Variants in CA10 observed in about 807,000 individuals in gnomAD.
CA10 encodes carbonic anhydrase-related protein 10.
Under a neutral mutation model 44.2 loss-of-function variants are expected in CA10, and 14 were observed. The observed-to-expected ratio is 0.32, with a 90% CI of 0.21 to 0.50. The LOEUF (loss-of-function observed/expected upper bound fraction) is 0.50. CA10 is among the 20% of genes least tolerant of loss of function. The pLI, the probability that CA10 is intolerant of heterozygous loss-of-function variation, is 0.99. For synonymous variants in CA10, 159 were observed against 141.6 expected, an observed-to-expected ratio of 1.12 and a Z score of -0.87; for missense variants, 350 against 409.7, an observed-to-expected ratio of 0.85 and a Z score of 1.26.
intron 3 of CA10, among the ~76,000 whole-genome samples, chr17:51,920,954 T>C (rs1271404539): frequency 6.6e-6 from 1 of 152,208 alleles, no homozygotes. Flanking sequence ...AATCCTTCAT[T>C]CCAGCTACTC....
intron 2 of CA10, among the ~76,000 whole-genome samples, chr17:51,959,860 C>T (rs1200798473): frequency 2.7e-5 from 4 of 145,600 alleles, no homozygotes. Context: ...TTTAACAGGA[C>T]CAGAGTCTAA....
chr17:51,869,287 A>G (rs1396755173), intron 3 of CA10, among the ~76,000 whole-genome samples: 1 of 152,184 alleles, frequency 6.6e-6, no homozygotes, highest in African/African-American at 2.4e-5. Context: ...ATGGACCAGG[A>G]AAAGACCCCA....
chr17:52,118,558 C>T (rs1248194200), intron 1 of CA10, among the ~76,000 whole-genome samples: 1 of 152,048 alleles, frequency 6.6e-6, no homozygotes, highest in Admixed American at 6.6e-5. Flanking sequence ...GCCCCTGGAG[C>T]ACCCAAAAGA....
At chr17:52,150,648 G>C in intron 1 of CA10, among the ~76,000 whole-genome samples, 1 of 152,140 alleles carries the variant, frequency 6.6e-6, no homozygotes, top group Non-Finnish European at 1.5e-5. Context: ...TTGGAAATAA[G>C]AGTTGAACAG....
At chr17:52,083,738 T>G (rs933852365) in intron 1 of CA10, among the ~76,000 whole-genome samples, 1 of 152,242 alleles carries the variant, frequency 6.6e-6, no homozygotes, top group African/African-American at 2.4e-5. Context: ...GCAAAAGATG[T>G]GATTTCATTC....
At chr17:51,734,030 A>G (rs1916810408) in intron 4 of CA10, among the ~76,000 whole-genome samples, 1 of 121,906 alleles carries the variant, frequency 8.2e-6, no homozygotes, top group Non-Finnish European at 1.8e-5. Context: ...CAGGAGCAGG[A>G]GGTTCAATAT....
intron 2 of CA10, among the ~76,000 whole-genome samples, chr17:52,010,488 G>C (rs1184309163): frequency 6.6e-6 from 1 of 151,932 alleles, no homozygotes; most frequent in Non-Finnish European, 1.5e-5. Context: ...CTGGATGGAA[G>C]TGGAGATTAT....
intron 2 of CA10, among the ~76,000 whole-genome samples, chr17:51,986,991 A>C (rs1241179943): frequency 1.3e-5 from 2 of 152,090 alleles, no homozygotes; most frequent in Non-Finnish European, 2.9e-5. Flanking sequence ...TTGCTCTAGC[A>C]ATTTCACTAC....
At chr17:52,152,793 C>T (rs992188186) in intron 1 of CA10, among the ~76,000 whole-genome samples, 4 of 152,026 alleles carry the variant, frequency 2.6e-5, no homozygotes, top group African/African-American at 9.7e-5. Context: ...AATATTTATT[C>T]AAGAATCACT....
intron 3 of CA10, among the ~76,000 whole-genome samples, chr17:51,770,615 T>C (rs1905567668): frequency 6.6e-6 from 1 of 152,126 alleles, no homozygotes; most frequent in South Asian, 2.1e-4. Flanking sequence ...TATACACAAA[T>C]ACCTGAGGCT....
chr17:51,955,736 G>C (rs980422492), intron 2 of CA10, among the ~76,000 whole-genome samples: 5 of 151,916 alleles, frequency 3.3e-5, no homozygotes, highest in African/African-American at 1.2e-4. Flanking sequence ...TAACAGATCT[G>C]ATAACTTTTT....
At chr17:51,639,076 G>A (rs1387807447) in intron 6 of CA10, among the ~76,000 whole-genome samples, 1 of 152,162 alleles carries the variant, frequency 6.6e-6, no homozygotes. Flanking sequence ...CGGAGGCAAT[G>A]CGGAACCACC....
rs544966242 is a variant in CA10, at chr17:51,686,379, C to G, written c.466-32643G>C. ...CCTAGGACTTGGGCCTTGGCTTTCTCTTCTTCAGCCTCACTATCTCACCAA... is the reference window on the plus strand; with the variant it reads ...CCTAGGACTTGGGCCTTGGCTTTCTGTTCTTCAGCCTCACTATCTCACCAA... On this transcript the variant is annotated intron_variant, in intron 4 of 8. Coordinates refer to ENST00000451037, the MANE Select transcript of CA10 (RefSeq NM_020178.5). 3.3e-5 allele frequency among the ~76,000 whole-genome samples: 5 copies of G among 152,290 alleles called. No homozygotes were observed. In the South Asian group the frequency reaches 1.0e-3, roughly 32 times the overall value.
chr17:52,047,457 A>G (rs1986943658), intron 2 of CA10, among the ~76,000 whole-genome samples: 1 of 151,730 alleles, frequency 6.6e-6, no homozygotes, highest in Non-Finnish European at 1.5e-5. Context: ...ATCTCAACAG[A>G]ATAGATATTT....
chr17:52,010,694 C>A (rs1262585108), intron 2 of CA10, among the ~76,000 whole-genome samples: 1 of 151,794 alleles, frequency 6.6e-6, no homozygotes, highest in Non-Finnish European at 1.5e-5. Context: ...GATGGGTACA[C>A]CAAAATCCCA....
chr17:51,810,648 A>T (rs185645519), intron 3 of CA10, among the ~76,000 whole-genome samples: 1 of 152,184 alleles, frequency 6.6e-6, no homozygotes, highest in Non-Finnish European at 1.5e-5. Context: ...AAGGAGATCA[A>T]TTGGAGAGTT....
At chr17:52,154,384 A>G (rs898111505) in intron 1 of CA10, among the ~76,000 whole-genome samples, 9 of 152,230 alleles carry the variant, frequency 5.9e-5, no homozygotes, top group African/African-American at 2.2e-4. Context: ...AAAATACCAC[A>G]TAATTCAAAT....
chr17:51,837,358 G>A (rs1035156598), intron 3 of CA10, among the ~76,000 whole-genome samples: 4 of 152,172 alleles, frequency 2.6e-5, no homozygotes, highest in South Asian at 2.1e-4. Context: ...TGGGGATGAC[G>A]TGAGGGCTGA....
intron 3 of CA10, among the ~76,000 whole-genome samples, chr17:51,856,000 C>A (rs549543700): frequency 1.3e-5 from 2 of 152,222 alleles, no homozygotes; most frequent in South Asian, 2.1e-4. Context: ...GCTGAAGGAG[C>A]AAACAGTAAG....
Sources: allele counts gnomAD v4.1 joint callset (sites outside exome capture counted in the v4.1 genomes callset), GRCh38; gene constraint gnomAD v4.1.1; transcripts MANE v1.5; gene names NCBI Gene and HGNC (gene_info 2026-07-23, HGNC 2026-07-21).